The following TOP2A variants were observed in gnomAD, a reference collection of about 807,000 sequenced individuals.
TOP2A encodes the protein DNA topoisomerase II alpha, also known as DNA topoisomerase 2-alpha.
Under a neutral mutation model 187.2 loss-of-function variants are expected in TOP2A, and 68 were observed. The ratio of observed to expected loss-of-function variants is 0.36; its 90% CI spans 0.30 to 0.44. The LOEUF is 0.44. Ranked by LOEUF, TOP2A falls within the 20% of genes least tolerant of loss-of-function variation. The pLI, the probability that TOP2A is intolerant of heterozygous loss-of-function variation, is 1.00. For missense variants in TOP2A, 1,196 were observed against 1,808.7 expected (o/e 0.66, Z 6.14); for synonymous variants, 542 against 593.2 (o/e 0.91, Z 1.25).
chr17:40,399,374 T>C (rs1404508938), intron 24 of TOP2A: 1 of 455,736 alleles, frequency 2.2e-6, no homozygotes, highest in Non-Finnish European at 3.9e-6. Context: ...TCTCTCTCAC[T>C]CTTGTGTCCA....
intron 1 of TOP2A, among the ~76,000 whole-genome samples, chr17:40,417,242 C>T (rs1158906532): frequency 1.3e-5 from 2 of 152,062 alleles, no homozygotes; most frequent in African/African-American, 4.8e-5. Flanking sequence ...TTTACGGTGT[C>T]CCGAGCACAC....
At chr17:40,398,151 T>G (rs2035126407) in intron 27 of TOP2A, among the ~76,000 whole-genome samples, 1 of 148,568 alleles carries the variant, frequency 6.7e-6, no homozygotes, top group Admixed American at 6.7e-5. Context: ...TCTTGCTGTG[T>G]TGCCTAGGCT....
Position 40,402,377 on chromosome 17 carries a change from G to T in TOP2A, c.2432+529C>A, listed in dbSNP as rs193056637. On this transcript the variant is annotated intron_variant, in intron 20 of 34. Transcript: ENST00000423485. Reference sequence around the variant, plus strand: ...ATGGGAGATCATTTGGGAATTGAGTGTAGGCATTGGAAAGAGATCTGATGA... The same window carrying T: ...ATGGGAGATCATTTGGGAATTGAGTTTAGGCATTGGAAAGAGATCTGATGA... Among the ~76,000 whole-genome samples the T allele has an allele frequency of 3.4e-3, 525 of 152,326 alleles. 4 individuals carry two copies. Among genetic ancestry groups the T allele is most frequent in the Middle Eastern group, 0.01 (3 of 294 alleles).
intron 10 of TOP2A, chr17:40,408,935 C>T: frequency 2.1e-6 from 1 of 480,328 alleles, no homozygotes; most frequent in South Asian, 1.6e-5. Context: ...TGGCTCACGC[C>T]TATAATCCCA....
Position 40,399,958 on chromosome 17 carries a change from A to T in TOP2A, c.3110T>A (p.Leu1037His), listed in dbSNP as rs775891272. The change falls in exon 24 of 35, where the codon CTC (leucine) becomes CAC (histidine). Residue 1037 changes from leucine to histidine, a missense_variant. By Grantham distance (99) the Leu-to-His change is moderately conservative. Around this residue, in one of 10 missense-constraint regions of TOP2A, gnomAD observed 232 missense variants for 306.1 expected, o/e 0.76. Transcript: ENST00000423485. ...LKYYGLRKEW[L>H]LGMLGAESAK... ...AGATTCAGCACCAAGCATTCCTAGG[A>T]GCCATTCTTTTCTTAATCCATAATA... 1 of 1,613,510 alleles carries T rather than the reference A, an allele frequency of 6.2e-7. No homozygotes were observed. The highest frequency in any genetic ancestry group is 1.1e-5 in the South Asian group (1 of 91,058).
At chr17:40,398,689 C>T in intron 26 of TOP2A, 48 bp from the exon 27 acceptor site, 1 of 1,604,916 alleles carries the variant, frequency 6.2e-7, no homozygotes, top group Non-Finnish European at 8.5e-7. Context: ...ATACAAGCAG[C>T]ATTTTCATGC....
chr17:40,415,305 C>T (rs190255752), intron 4 of TOP2A, among the ~76,000 whole-genome samples: 11 of 152,224 alleles, frequency 7.2e-5, no homozygotes, highest in African/African-American at 2.2e-4. Flanking sequence ...CCGCCCGCAT[C>T]GGCCTCCCAA....
At chr17:40,390,707 A>G (rs998137739) in intron 33 of TOP2A, among the ~76,000 whole-genome samples, 15 of 140,534 alleles carry the variant, frequency 1.1e-4, no homozygotes, top group Non-Finnish European at 1.4e-4. Context: ...GGCTCACTGT[A>G]GCCTCTGCCT....
In TOP2A at chr17:40,404,164, A is replaced by T; in HGVS notation, c.2271T>A (p.Tyr757Ter). ...ATTGTGTGTTTACCTCACCATGATG[A>T]TAAGAAGACATTTCAGCCACTGATC... ...LAGSVAEMSSYHHGEMSLMMT... is the reference protein window; with the variant it reads ...LAGSVAEMSS The change falls in exon 19 of 35, where the codon TAT becomes TAA. Residue 757 changes from tyrosine to a stop codon, truncating the protein, a stop_gained. Coordinates refer to ENST00000423485, the MANE Select transcript of TOP2A (RefSeq NM_001067.4). LOFTEE classifies it high-confidence loss of function. 1 of 1,613,664 alleles carries T rather than the reference A, an allele frequency of 6.2e-7. No individual in the cohort carries two copies. Among genetic ancestry groups the T allele is most frequent in the Non-Finnish European group, 8.5e-7 (1 of 1,179,792 alleles).
intron 12 of TOP2A, 145 bp from the exon 13 acceptor site, chr17:40,407,819 A>T (rs1704590424): frequency 8.4e-7 from 1 of 1,191,282 alleles, no homozygotes; most frequent in South Asian, 1.5e-5. Context: ...AAGGTCTGTT[A>T]AAATAGGCTA....
At chr17:40,390,378 T>C (rs1201492827) in intron 33 of TOP2A, among the ~76,000 whole-genome samples, 3 of 151,814 alleles carry the variant, frequency 2.0e-5, no homozygotes, top group African/African-American at 4.8e-5. Flanking sequence ...TTAGTAGAGA[T>C]GGGATTCCAC....
In TOP2A at chr17:40,392,048, A is replaced by G. The variant is rs779438466; in HGVS notation, c.4132+20T>C. On this transcript the variant is annotated intron_variant, in intron 32 of 34. Transcript: ENST00000423485. The stretch of plus-strand genomic sequence containing the variant: ...GTCCCAGTAAGGCAGATGTCTCACT[A>G]CTTTTACTTAAATACATACCTGACA... The G allele has an allele frequency of 1.9e-6, 3 of 1,609,976 alleles. No homozygotes were observed. Among genetic ancestry groups the G allele is most frequent in the South Asian group, 1.1e-5 (1 of 89,936 alleles).
intron 3 of TOP2A, among the ~76,000 whole-genome samples, 167 bp downstream of exon 3, chr17:40,416,255 A>G (rs2035388851): frequency 6.6e-6 from 1 of 152,238 alleles, no homozygotes; most frequent in Non-Finnish European, 1.5e-5. Context: ...GCTCCAGGAA[A>G]CCAGCTCACC....
rs143059923 is a variant in TOP2A, at chr17:40,415,971, G to A, written c.332+34C>T. ...AATACATGCAGCTAACAATAGCAAC[G>A]AGCTACATAACAAAAACTAAGCAAA... On this transcript the variant is annotated intron_variant, in intron 4 of 34. Transcript: ENST00000423485. 2.4e-5 allele frequency: 34 copies of A among 1,431,030 alleles called. No homozygotes were observed. The East Asian group carries it at 4.3e-4, about 18-fold the overall frequency. The allele number at this position is 1,431,030 out of a possible 1,614,324, so 88.6% of individuals were successfully genotyped here.
intron 1 of TOP2A, 170 bp downstream of exon 1, chr17:40,417,600 GA>G: frequency 4.1e-6 from 6 of 1,474,870 alleles, no homozygotes; most frequent in Non-Finnish European, 5.4e-6. Flanking sequence ...ACTAGCACCA[GA>G]AGGGGCTTCC....
chr17:40,389,432 A>G lies in TOP2A; in HGVS notation c.*87T>C. 2 of 1,450,084 alleles carry G rather than the reference A, an allele frequency of 1.4e-6. No homozygotes were observed. The highest frequency in any genetic ancestry group is 1.8e-6 in the Non-Finnish European group (2 of 1,081,272). The allele number at this position is 1,450,084 out of a possible 1,614,324, so 89.8% of individuals were successfully genotyped here. ...AAAACACCTTCCCCAAACTAAATTC[A>G]GAGGGGAGGAAGTTAAGAGCTTCAG... On this transcript the variant is annotated 3_prime_UTR_variant, in exon 35 of 35. Transcript: ENST00000423485.
At chr17:40,405,463 T>TG (rs961881429) in intron 16 of TOP2A, among the ~76,000 whole-genome samples, 8 of 148,614 alleles carry the variant, frequency 5.4e-5, no homozygotes, top group Non-Finnish European at 9.0e-5. Flanking sequence ...TTTTGTTTTT[T>TG]TTTTTTTTTG....
Position 40,411,861 on chromosome 17 carries a change from A to C in TOP2A, c.790-43T>G. On this transcript the variant is annotated intron_variant, in intron 7 of 34. Transcript: ENST00000423485. This position sits in a 1 kb window ranked among gnomAD's most constrained non-coding sequence, Gnocchi z 4.4. ...GTAACAGTATTAAGAAAGTTATTAA[A>C]AAATAGGTTCAATGATAGACTATGA... 1 of 1,489,332 alleles carries C rather than the reference A, an allele frequency of 6.7e-7. No homozygotes were observed. The highest frequency in any genetic ancestry group is 9.0e-7 in the Non-Finnish European group (1 of 1,110,660). The allele number at this position is 1,489,332 out of a possible 1,614,324, so 92.3% of individuals were successfully genotyped here. A position where few individuals can be genotyped will look rare whatever the true frequency, so the allele number is the denominator to read the frequency against.
chr17:40,405,980 A>G (rs2035239881), intron 16 of TOP2A, among the ~76,000 whole-genome samples: 1 of 151,958 alleles, frequency 6.6e-6, no homozygotes, highest in Non-Finnish European at 1.5e-5. Flanking sequence ...GTTAGCCAGG[A>G]TGGTCTTGAT....
Sources: allele counts gnomAD v4.1 joint callset (sites outside exome capture counted in the v4.1 genomes callset), GRCh38; gene constraint gnomAD v4.1.1; regional missense constraint gnomAD v4.1.1; non-coding constraint Gnocchi (gnomAD v3.1); transcripts MANE v1.5; gene names NCBI Gene and HGNC (gene_info 2026-07-23, HGNC 2026-07-21).